ERC2: variants seen among roughly 807,000 people sequenced by gnomAD.
The protein encoded by ERC2 is ELKS/RAB6-interacting/CAST family member 2, also known as ERC protein 2.
A neutral mutation model predicts 114.8 loss-of-function variants in ERC2; 42 were observed. The ratio of observed to expected loss-of-function variants is 0.37; its 90% CI spans 0.29 to 0.47. The LOEUF (loss-of-function observed/expected upper bound fraction) is 0.47. Among genes scored for constraint, ERC2 ranks in the 20% least tolerant of loss-of-function variants. The probability of loss-of-function intolerance (pLI) is 0.99; values close to 1 mark genes in which losing one functional copy is unlikely to be tolerated. For synonymous variants in ERC2, 454 were observed against 425.5 expected (o/e 1.07, Z -0.82); for missense variants, 939 against 1,150.7 (o/e 0.82, Z 2.66).
At chr3:55,934,429 T>C (rs1323618245) in intron 13 of ERC2, among the ~76,000 whole-genome samples, 2 of 152,214 alleles carry the variant, frequency 1.3e-5, no homozygotes, top group African/African-American at 2.4e-5. Context: ...TGACTTTACA[T>C]TGAGAAGTCA....
intron 14 of ERC2, among the ~76,000 whole-genome samples, chr3:55,813,375 G>A (rs889917480): frequency 1.3e-5 from 2 of 152,172 alleles, no homozygotes; most frequent in African/African-American, 4.8e-5. Context: ...TTACCCTCCT[G>A]GTGAGTGCAG....
At chr3:55,807,467 G>A (rs1454447390) in intron 14 of ERC2, among the ~76,000 whole-genome samples, 4 of 152,140 alleles carry the variant, frequency 2.6e-5, no homozygotes, top group African/African-American at 9.7e-5. Flanking sequence ...TCTTCTGTAA[G>A]GGGTTATATA....
At chr3:55,931,188 G>C (rs1172780055) in intron 13 of ERC2, among the ~76,000 whole-genome samples, 1 of 152,242 alleles carries the variant, frequency 6.6e-6, no homozygotes, top group Non-Finnish European at 1.5e-5. Context: ...GTGGAAGACA[G>C]TGTGGCAATT....
chr3:55,749,878 G>A (rs1188996511), intron 14 of ERC2, among the ~76,000 whole-genome samples: 23 of 152,092 alleles, frequency 1.5e-4, no homozygotes, highest in Admixed American at 1.4e-3. Flanking sequence ...GAAGGTCTAC[G>A]ACTTCATTCT....
chr3:56,368,577 T>C (rs1462321697), intron 2 of ERC2, among the ~76,000 whole-genome samples: 2 of 152,208 alleles, frequency 1.3e-5, no homozygotes, highest in Non-Finnish European at 2.9e-5. Flanking sequence ...CTTATGGCCA[T>C]GCAATCCACT....
chr3:55,754,189 TG>T (rs1167589705), intron 14 of ERC2, among the ~76,000 whole-genome samples: 21 of 143,482 alleles, frequency 1.5e-4, no homozygotes, highest in Non-Finnish European at 9.2e-5. Context: ...TTTTTTTTTT[TG>T]AGAAAACTAT....
chr3:55,993,106 G>A (rs2071208440), intron 10 of ERC2, among the ~76,000 whole-genome samples: 2 of 151,966 alleles, frequency 1.3e-5, no homozygotes, highest in Admixed American at 1.3e-4. Context: ...TTCCCAGACA[G>A]ATAGAAATAA....
chr3:55,793,047 G>A (rs1328101206), intron 14 of ERC2, among the ~76,000 whole-genome samples: 1 of 152,078 alleles, frequency 6.6e-6, no homozygotes, highest in Non-Finnish European at 1.5e-5. Context: ...AGATAACTGT[G>A]GATGCAATTT....
chr3:55,857,922 T>C (rs951903275), intron 14 of ERC2, among the ~76,000 whole-genome samples: 1 of 152,188 alleles, frequency 6.6e-6, no homozygotes, highest in African/African-American at 2.4e-5. Flanking sequence ...CAACCAAATC[T>C]AGGTCTACAA....
At chr3:56,283,261 T>C (rs2054466988) in intron 3 of ERC2, among the ~76,000 whole-genome samples, 1 of 152,168 alleles carries the variant, frequency 6.6e-6, no homozygotes. Flanking sequence ...ACATGCATCA[T>C]GAAAGTATTG....
chr3:56,255,241 T>C lies in ERC2; in HGVS notation c.1074+40778A>G, dbSNP rs184421528. ...TCCTCTATGGATGTGTGAGAATAGC[T>C]GGTGCCATCTACATTTAGGTGTTGG... On this transcript the variant is annotated intron_variant, in intron 3 of 17. Transcript: ENST00000288221. Among the ~76,000 whole-genome samples the C allele has an allele frequency of 3.1e-3, 477 of 152,298 alleles. 2 individuals are homozygous for C. Among genetic ancestry groups the C allele is most frequent in the Non-Finnish European group, 3.7e-3 (250 of 68,024 alleles).
chr3:56,434,712 C>T lies in ERC2; in HGVS notation c.296G>A (p.Gly99Glu), dbSNP rs201496750. 6.2e-7 allele frequency: 1 copy of T among 1,613,918 alleles called. No homozygotes were observed. Among genetic ancestry groups the T allele is most frequent in the Non-Finnish European group, 8.5e-7 (1 of 1,179,878 alleles). Residue 99 changes from glycine (G) to glutamate (E), a missense_variant, in exon 2 of 18, where the codon GGG (glycine) becomes GAG (glutamate). By Grantham distance (98) the Gly-to-Glu change is moderately conservative. Around this residue, in one of 5 missense-constraint regions of ERC2, gnomAD observed 281 missense variants for 307.4 expected, o/e 0.91. Transcript: ENST00000288221. ...AGCAGAAGCAATATTGGGACTACTC[C>T]CCATGGCTGTGACACGGCCTCCATA... ...AVYGGRVTAM[G>E]SSPNIASAGL...
intron 17 of ERC2, among the ~76,000 whole-genome samples, chr3:55,518,503 A>C (rs1247070414): frequency 6.6e-6 from 1 of 152,260 alleles, no homozygotes; most frequent in African/African-American, 2.4e-5. Flanking sequence ...TTGCTGAGTT[A>C]AGTGAAAAGG....
intron 6 of ERC2, among the ~76,000 whole-genome samples, chr3:56,113,041 CT>C: frequency 1.3e-5 from 2 of 152,274 alleles, no homozygotes; most frequent in Middle Eastern, 6.8e-3. Context: ...GGCCAAGTTA[CT>C]GAGAAATTAT....
At chr3:56,211,702 T>C (rs1215775633) in intron 3 of ERC2, among the ~76,000 whole-genome samples, 1 of 152,146 alleles carries the variant, frequency 6.6e-6, no homozygotes, top group East Asian at 1.9e-4. Flanking sequence ...CTTCAAACTA[T>C]TCTATAGGGC....
At chr3:55,790,804 A>T (rs1248771066) in intron 14 of ERC2, among the ~76,000 whole-genome samples, 2 of 152,238 alleles carry the variant, frequency 1.3e-5, no homozygotes, top group Non-Finnish European at 2.9e-5. Flanking sequence ...GGCACATAGT[A>T]CATAAATGTT....
At chr3:55,819,850 G>A (rs1336569621) in intron 14 of ERC2, among the ~76,000 whole-genome samples, 1 of 152,202 alleles carries the variant, frequency 6.6e-6, no homozygotes, top group Non-Finnish European at 1.5e-5. Context: ...AGAGAGGCTG[G>A]GGTCTCAGCC....
chr3:55,720,150 T>A (rs1391532688), intron 15 of ERC2, among the ~76,000 whole-genome samples: 1 of 1,096 alleles, frequency 9.1e-4, no homozygotes, highest in Non-Finnish European at 1.8e-3. Context: ...TTCCTCTTCT[T>A]CTTCTTCTTC....
intron 1 of ERC2, among the ~76,000 whole-genome samples, chr3:56,436,749 G>A (rs886822863): frequency 6.6e-6 from 1 of 152,166 alleles, no homozygotes; most frequent in African/African-American, 2.4e-5. Flanking sequence ...TGGAACAGCT[G>A]GGAAAGATAA....
Sources: allele counts gnomAD v4.1 joint callset (sites outside exome capture counted in the v4.1 genomes callset), GRCh38; gene constraint gnomAD v4.1.1; regional missense constraint gnomAD v4.1.1; transcripts MANE v1.5; gene names NCBI Gene and HGNC (gene_info 2026-07-23, HGNC 2026-07-21).